KIF13B: variants seen among roughly 807,000 people sequenced by gnomAD.
The protein encoded by KIF13B is kinesin family member 13B.
In KIF13B, 127 loss-of-function variants were observed where a neutral mutation model predicts 222.0. The ratio of observed to expected loss-of-function variants is 0.57; its 90% CI spans 0.50 to 0.66. The LOEUF is 0.66. Among genes scored for constraint, KIF13B ranks in the 30% least tolerant of loss-of-function variants. The pLI, the probability that KIF13B is intolerant of heterozygous loss-of-function variation, is 0.00. For synonymous variants in KIF13B, 976 were observed against 919.0 expected (o/e 1.06, Z -1.12); for missense variants, 2,173 against 2,379.0 (o/e 0.91, Z 1.80).
At chr8:29,184,420 G>A (rs1008875675) in intron 6 of KIF13B, among the ~76,000 whole-genome samples, 1 of 152,030 alleles carries the variant, frequency 6.6e-6, no homozygotes. Flanking sequence ...AAGACCTCAG[G>A]TGTATCATCC....
Position 29,182,025 on chromosome 8 carries a change from G to T in KIF13B, c.498-19C>A, listed in dbSNP as rs1812735157. The T allele has an allele frequency of 5.0e-6, 8 of 1,599,978 alleles. No individual in the cohort carries two copies. In the African/African-American group the frequency reaches 6.7e-5, roughly 13 times the overall value. ...ACGGCTTCTGTTCATGAAAAACAAA[G>T]AAATGATTTTTTAACAATAGCCTAT... On this transcript the variant is annotated intron_variant, in intron 6 of 39. Transcript: ENST00000524189.
intron 2 of KIF13B, among the ~76,000 whole-genome samples, chr8:29,215,574 C>T (rs995760860): frequency 6.6e-6 from 1 of 152,118 alleles, no homozygotes; most frequent in African/African-American, 2.4e-5. Context: ...CGTCTGTTGT[C>T]CCAGCTACTC....
At chr8:29,072,637 G>A (rs962785456) in intron 38 of KIF13B, among the ~76,000 whole-genome samples, 1 of 152,206 alleles carries the variant, frequency 6.6e-6, no homozygotes, top group Non-Finnish European at 1.5e-5. Context: ...TTGAGGGGCC[G>A]ACAGTGCACC....
chr8:29,119,062 A>G (rs936228594), intron 29 of KIF13B, 70 bp from the exon 30 acceptor site: 39 of 1,464,676 alleles, frequency 2.7e-5, no homozygotes, highest in South Asian at 9.9e-5. Context: ...CTAAATTTCA[A>G]TGTGATTATT....
At chr8:29,184,193 T>C (rs1812834515) in intron 6 of KIF13B, among the ~76,000 whole-genome samples, 2 of 152,106 alleles carry the variant, frequency 1.3e-5, no homozygotes, top group African/African-American at 4.8e-5. Context: ...ATTACATTAC[T>C]ATATACTAGA....
chr8:29,111,090 G>A (rs1809333693), intron 32 of KIF13B, among the ~76,000 whole-genome samples: 1 of 152,190 alleles, frequency 6.6e-6, no homozygotes, highest in Admixed American at 6.5e-5. Context: ...GACGGCTTAA[G>A]TTCACAAAAA....
chr8:29,087,042 G>A (rs1808076770), intron 37 of KIF13B, among the ~76,000 whole-genome samples: 2 of 152,232 alleles, frequency 1.3e-5, no homozygotes, highest in Non-Finnish European at 1.5e-5. Context: ...TGTGTGCGCA[G>A]GGCAGTCCAG....
At chr8:29,223,509 C>T (rs888489073) in intron 2 of KIF13B, among the ~76,000 whole-genome samples, 8 of 152,172 alleles carry the variant, frequency 5.3e-5, no homozygotes, top group Non-Finnish European at 8.8e-5. Context: ...GTATATCTAA[C>T]AATTTAAATG....
chr8:29,190,423 C>T (rs1049901459), intron 4 of KIF13B: 2 of 152,956 alleles, frequency 1.3e-5, no homozygotes, highest in African/African-American at 4.8e-5. Flanking sequence ...AAGAACTCAT[C>T]CACACGCCGG....
At chr8:29,140,317 C>G in intron 20 of KIF13B, 126 bp from the exon 21 acceptor site, 1 of 1,420,968 alleles carries the variant, frequency 7.0e-7, no homozygotes, top group South Asian at 1.4e-5. Flanking sequence ...GAGGCCTAGT[C>G]TCTGACAGTT....
In KIF13B at chr8:29,117,015, G is replaced by A. The variant is rs532521397; in HGVS notation, c.3661-8C>T. On this transcript the variant is annotated splice_polypyrimidine_tract_variant and splice_region_variant and intron_variant, in intron 30 of 39. Coordinates refer to ENST00000524189, the MANE Select transcript of KIF13B (RefSeq NM_015254.4). ...GGAGGCTTCTGCTTTCACCTGGAGA[G>A]AAGACAGAGAGGAAACAGGTTTCTC... 1 of 1,548,088 alleles carries A rather than the reference G, an allele frequency of 6.5e-7. No homozygotes were observed. The highest frequency in any genetic ancestry group is 1.2e-5 in the South Asian group (1 of 84,608).
At chr8:29,171,738 AT>A (rs1387302987) in intron 10 of KIF13B, among the ~76,000 whole-genome samples, 5 of 150,454 alleles carry the variant, frequency 3.3e-5, no homozygotes, top group Admixed American at 2.6e-4. Context: ...GTTAAAAAAA[AT>A]CATATAATTT....
chr8:29,247,202 T>C (rs998724244), intron 1 of KIF13B, among the ~76,000 whole-genome samples: 1 of 151,652 alleles, frequency 6.6e-6, no homozygotes, highest in Non-Finnish European at 1.5e-5. Context: ...CTGAGCAACA[T>C]AGTGAGACCC....
intron 1 of KIF13B, among the ~76,000 whole-genome samples, chr8:29,255,291 C>A (rs562140740): frequency 6.6e-6 from 1 of 152,026 alleles, no homozygotes; most frequent in Non-Finnish European, 1.5e-5. Context: ...ATCTAAAAAC[C>A]AAGAAGAAAA....
intron 12 of KIF13B, among the ~76,000 whole-genome samples, chr8:29,163,750 G>T (rs1216791195): frequency 6.6e-6 from 1 of 152,204 alleles, no homozygotes; most frequent in East Asian, 1.9e-4. Flanking sequence ...AGTGCCCCCA[G>T]AAGGGACCCC....
intron 10 of KIF13B, among the ~76,000 whole-genome samples, chr8:29,175,102 T>C (rs999866497): frequency 6.6e-6 from 1 of 151,994 alleles, no homozygotes; most frequent in Non-Finnish European, 1.5e-5. Flanking sequence ...ACAGGGCACA[T>C]AAAATTATTT....
chr8:29,073,175 C>T (rs187403769), intron 38 of KIF13B, among the ~76,000 whole-genome samples: 110 of 147,654 alleles, frequency 7.4e-4, no homozygotes, highest in African/African-American at 2.7e-3. Context: ...GAGGAGGGGA[C>T]AAAGGCTCCC....
At chr8:29,191,782 C>G (rs561270560) in intron 3 of KIF13B, among the ~76,000 whole-genome samples, 2 of 152,286 alleles carry the variant, frequency 1.3e-5, no homozygotes, top group South Asian at 4.1e-4. Flanking sequence ...CTTTTTAAAC[C>G]AACTAAGCAA....
At position 29,118,938 on chromosome 8, in the gene KIF13B, T is replaced by C; in HGVS notation, c.3590A>G (p.Asp1197Gly). ...NLDDPEAGGW[D>G]ATLTGEEEEE... ...TTCTTCTTCCCCAGTCAAGGTCGCATCCCATCCACCAGCTTCTGGGTCATC... is the reference window on the plus strand; with the variant it reads ...TTCTTCTTCCCCAGTCAAGGTCGCACCCCATCCACCAGCTTCTGGGTCATC... Residue 1197 changes from aspartate to glycine, a missense_variant, in exon 30 of 40, where the codon GAT becomes GGT. By Grantham distance (94) the Asp-to-Gly change is moderately conservative. This residue lies in a region of KIF13B where 1,480 missense variants were observed against 1,722.8 expected (regional missense o/e 0.86). Coordinates refer to ENST00000524189, the MANE Select transcript of KIF13B (RefSeq NM_015254.4). 1 of 1,613,908 alleles carries C rather than the reference T, an allele frequency of 6.2e-7. No individual in the cohort carries two copies. The highest frequency in any genetic ancestry group is 8.5e-7 in the Non-Finnish European group (1 of 1,179,822).
Sources: gnomAD v4.1 joint callset for allele counts (sites outside exome capture counted in the v4.1 genomes callset) on GRCh38, gnomAD v4.1.1 for gene constraint, gnomAD v4.1.1 regional missense constraint, MANE v1.5 for transcripts, NCBI Gene and HGNC (gene_info 2026-07-23, HGNC 2026-07-21) for gene names.